MYOF: variants seen among roughly 807,000 people sequenced by gnomAD.
MYOF encodes myoferlin, also known as fer-1-like 3, myoferlin.
MYOF carries 244 observed loss-of-function variants against 284.2 expected under a neutral mutation model. The observed-to-expected ratio is 0.86, with a 90% confidence interval of 0.77 to 0.95. MYOF has a LOEUF of 0.95. Ranked by LOEUF, MYOF falls within the 40% of genes least tolerant of loss-of-function variation. The probability of loss-of-function intolerance (pLI) is 0.00; values close to 1 mark genes in which losing one functional copy is unlikely to be tolerated. For synonymous variants in MYOF, 904 were observed against 919.7 expected, an observed-to-expected ratio of 0.98 and a Z score of 0.31; for missense variants, 2,496 against 2,560.6, an observed-to-expected ratio of 0.97 and a Z score of 0.54.
In MYOF at chr10:93,351,239, G is replaced by T; in HGVS notation, c.3879C>A (p.Val1293=). ...GGACCACAGGCCTGATCCCCTGGGG[G>T]ACCATGTATAGATTTGGCGCCCTTT... The part of the protein sequence containing the change: ...PPQRAPNLYM[V]PQGIRPVVQL... The change falls in exon 35 of 54, where the codon GTC becomes GTA. Residue 1293 remains valine, a synonymous_variant. Coordinates refer to ENST00000359263, the MANE Select transcript of MYOF (RefSeq NM_013451.4). 1 of 1,614,178 alleles carries T rather than the reference G, an allele frequency of 6.2e-7. No individual in the cohort carries two copies. The highest frequency in any genetic ancestry group is 1.1e-5 in the South Asian group (1 of 91,056).
chr10:93,343,319 TAA>T (rs3081451), intron 38 of MYOF, among the ~76,000 whole-genome samples: 36,161 of 151,894 alleles, frequency 0.24, 6,074 homozygotes, highest in East Asian at 0.89. Flanking sequence ...ACAGTGAAAA[TAA>T]AAAAACCTGG....
Position 93,423,946 on chromosome 10 carries a change from C to T in MYOF, c.433+2125G>A, listed in dbSNP as rs150798391. 2.0e-3 allele frequency among the ~76,000 whole-genome samples: 299 copies of T among 152,072 alleles called. 1 individual carries two copies. Among genetic ancestry groups the T allele is most frequent in the African/African-American group, 5.9e-3 (245 of 41,504 alleles). On this transcript the variant is annotated intron_variant, in intron 5 of 53. Coordinates refer to ENST00000359263, the MANE Select transcript of MYOF (RefSeq NM_013451.4). ...AAAAAGCAACAAAGACACCAAGACA[C>T]ACAGGTAGAACACCATGTGACAGCA...
At position 93,313,758 on chromosome 10, in the gene MYOF, G is replaced by A. The variant is rs557576018; in HGVS notation, c.5699-548C>T. Among the ~76,000 whole-genome samples the A allele has an allele frequency of 2.2e-4, 34 of 152,024 alleles. 1 individual carries two copies. The highest frequency in any genetic ancestry group is 7.0e-4 in the African/African-American group (29 of 41,498). The stretch of plus-strand genomic sequence containing the variant: ...TCTACTAAAAATATAAAAATTAGCC[G>A]GGCACGATGGCACACATCCGTAATC... On this transcript the variant is annotated intron_variant, in intron 50 of 53. Transcript: ENST00000359263.
intron 3 of MYOF, among the ~76,000 whole-genome samples, chr10:93,435,062 A>G (rs1420783421): frequency 1.3e-5 from 2 of 152,234 alleles, no homozygotes; most frequent in Admixed American, 1.3e-4. Flanking sequence ...AAGTCATCCA[A>G]CTGGTATTAA....
chr10:93,356,050 T>C (rs1844788589), intron 30 of MYOF, among the ~76,000 whole-genome samples: 1 of 152,002 alleles, frequency 6.6e-6, no homozygotes, highest in South Asian at 2.1e-4. Context: ...AGTAAAAGGA[T>C]GGGATAAGGA....
At position 93,449,288 on chromosome 10, in the gene MYOF, C is replaced by A. The variant is rs1024987930; in HGVS notation, c.236+2762G>T. Among the ~76,000 whole-genome samples the A allele has an allele frequency of 9.8e-5, 15 of 152,286 alleles. No homozygotes were observed. In the South Asian group the frequency reaches 3.1e-3, roughly 32 times the overall value. Reference sequence around the variant, plus strand: ...AATATATTATTAAAATTGATTTCACCCATTTCTTCATATTTGTGTTAATCT... The same window carrying A: ...AATATATTATTAAAATTGATTTCACACATTTCTTCATATTTGTGTTAATCT... On this transcript the variant is annotated intron_variant, in intron 3 of 53. Coordinates refer to ENST00000359263, the MANE Select transcript of MYOF (RefSeq NM_013451.4).
chr10:93,350,909 G>T (rs116321139), intron 35 of MYOF, among the ~76,000 whole-genome samples: 2 of 151,952 alleles, frequency 1.3e-5, no homozygotes, highest in Admixed American at 1.3e-4. Context: ...TTCTCTTCTC[G>T]TCCATCTTCC....
In MYOF at chr10:93,342,075, G is replaced by GA. The variant is rs1843946863; in HGVS notation, c.4326+1780dup. 70 of 693,180 alleles carry GA rather than the reference G, an allele frequency of 1.0e-4. No individual in the cohort carries two copies. The South Asian group carries it at 1.1e-3, about 11-fold the overall frequency. 42.9% of individuals were successfully genotyped at this position (693,180 alleles called of 1,614,324 possible). ...AAGACTTATTTCTCACTTTTCTTGT[G>GA]ATAGTGCTCAGCCCATTTGTTAAGA... On this transcript the variant is annotated intron_variant, in intron 38 of 53. Coordinates refer to ENST00000359263, the MANE Select transcript of MYOF (RefSeq NM_013451.4).
At chr10:93,396,337 A>G (rs1847010105) in intron 15 of MYOF, 113 bp from the exon 16 acceptor site, 1 of 714,490 alleles carries the variant, frequency 1.4e-6, no homozygotes, top group South Asian at 2.3e-5. Context: ...AAAATACCCC[A>G]GACTTCAGAA....
At position 93,374,882 on chromosome 10, in the gene MYOF, T is replaced by C. The variant is rs1237846617; in HGVS notation, c.2182A>G (p.Arg728Gly). 2.5e-6 allele frequency: 4 copies of C among 1,614,190 alleles called. No individual in the cohort carries two copies. The highest frequency in any genetic ancestry group is 1.1e-5 in the South Asian group (1 of 91,078). ...GCCTCATGTATTTGGGAGAGAGACC[T>C]GGACCGCAGCTTTCGGATCTGAGTA... ...LDTQIRKLRS[R>G]SLSQIHEAAV... Residue 728 changes from arginine to glycine, a missense_variant, in exon 23 of 54, where the codon AGG becomes GGG. Arg to Gly is a moderately radical substitution (Grantham distance 125). Transcript: ENST00000359263.
chr10:93,465,532 TCTTTTC>T (rs1564740187), intron 1 of MYOF, among the ~76,000 whole-genome samples: 3 of 72,456 alleles, frequency 4.1e-5, no homozygotes, highest in African/African-American at 1.2e-4. Flanking sequence ...TTCTTTTTTT[TCTTTTC>T]TTTTTTTTTT....
chr10:93,455,622 G>A (rs543772760), intron 2 of MYOF, among the ~76,000 whole-genome samples: 1 of 152,010 alleles, frequency 6.6e-6, no homozygotes, highest in Non-Finnish European at 1.5e-5. Context: ...TCTTAATCAC[G>A]CCACCGCACT....
At chr10:93,429,345 C>A (rs1016932212) in intron 4 of MYOF, among the ~76,000 whole-genome samples, 13 of 152,096 alleles carry the variant, frequency 8.5e-5, no homozygotes, top group African/African-American at 3.1e-4. Context: ...GAACTGTGAG[C>A]CAAATAAACC....
intron 1 of MYOF, among the ~76,000 whole-genome samples, chr10:93,461,550 G>C (rs1977834): frequency 0.4 from 60,385 of 152,000 alleles, 13,882 homozygotes; most frequent in South Asian, 0.55. Flanking sequence ...GAGAATTCAA[G>C]GGCAAGGAGG....
At chr10:93,465,533 C>CTTTTTTTTTTTTTTTTTTTTTTTTTTT (rs753278804) in intron 1 of MYOF, among the ~76,000 whole-genome samples, 2 of 53,224 alleles carry the variant, frequency 3.8e-5, no homozygotes, top group African/African-American at 5.3e-5. Context: ...TCTTTTTTTT[C>CTTTTTTTTTTTTTTTTTTTTTTTTTTT]TTTTCTTTTT....
chr10:93,356,931 CAACAGATACACAGTATTCAAAAT>C, intron 29 of MYOF, 83 bp from the exon 30 acceptor site: 1 of 1,321,010 alleles, frequency 7.6e-7, no homozygotes. Context: ...TATGATCAAT[CAACAGATACACAGTATTCAAAAT>C]CTACTCTGTG....
At chr10:93,373,776 C>T (rs1845704431) in intron 23 of MYOF, among the ~76,000 whole-genome samples, 1 of 152,208 alleles carries the variant, frequency 6.6e-6, no homozygotes, top group Non-Finnish European at 1.5e-5. Context: ...CTTACTTCCT[C>T]ATTCTTCTAG....
chr10:93,465,538 CTTTT>C lies in MYOF; in HGVS notation c.89-8605_89-8602del, dbSNP rs71031511. Among the ~76,000 whole-genome samples the C allele has an allele frequency of 9.0e-3, 1,010 of 112,150 alleles. 16 individuals carry two copies. Among genetic ancestry groups the C allele is most frequent in the African/African-American group, 0.032 (949 of 29,972 alleles). The allele number at this position is 112,150 out of a possible 152,430, so 73.6% of individuals were successfully genotyped here. A position where few individuals can be genotyped will look rare whatever the true frequency, so the allele number is the denominator to read the frequency against. ...CTTTTTTCTTTCTTTTTTTTCTTTTCTTTTTTTTTTTTTTTGAGATGACTGGAGT... is the reference window on the plus strand; with the variant it reads ...CTTTTTTCTTTCTTTTTTTTCTTTTCTTTTTTTTTTTGAGATGACTGGAGT... On this transcript the variant is annotated intron_variant, in intron 1 of 53. Transcript: ENST00000359263.
At chr10:93,339,253 C>T (rs529389483) in intron 39 of MYOF, among the ~76,000 whole-genome samples, 9 of 152,016 alleles carry the variant, frequency 5.9e-5, no homozygotes, top group Admixed American at 2.0e-4. Flanking sequence ...CCTCATGATC[C>T]GCTCACCTCA....
Sources: gnomAD v4.1 joint callset for allele counts (sites outside exome capture counted in the v4.1 genomes callset) on GRCh38, gnomAD v4.1.1 for gene constraint, MANE v1.5 for transcripts, NCBI Gene and HGNC (gene_info 2026-07-23, HGNC 2026-07-21) for gene names.